The following ATP1A4 variants were observed in gnomAD, a reference collection of about 807,000 sequenced individuals.
The protein encoded by ATP1A4 is sodium/potassium-transporting ATPase subunit alpha-4.
Under a neutral mutation model 114.3 loss-of-function variants are expected in ATP1A4, and 90 were observed. The ratio of observed to expected loss-of-function variants is 0.79; its 90% confidence interval spans 0.66 to 0.94. The LOEUF (loss-of-function observed/expected upper bound fraction) is 0.94. ATP1A4 is among the 40% of genes least tolerant of loss of function. The pLI is 0.00. For synonymous variants in ATP1A4, 511 were observed against 494.1 expected (o/e 1.03, Z -0.45); for missense variants, 1,222 against 1,313.6 (o/e 0.93, Z 1.08).
chr1:160,158,979 G>A, intron 4 of ATP1A4, 23 bp from the exon 5 acceptor site: 1 of 1,605,780 alleles, frequency 6.2e-7, no homozygotes, highest in Middle Eastern at 1.7e-4. Flanking sequence ...TTTTGGAAAT[G>A]ATCCTGCACT....
rs367919964 is a variant in ATP1A4 at position 160,181,940 on chromosome 1, T to A, written c.2878T>A (p.Leu960Ile). The change falls in exon 20 of 22, where the codon TTA (leucine) becomes ATA (isoleucine). Residue 960 changes from leucine (L) to isoleucine (I), a missense_variant. By Grantham distance (5) the Leu-to-Ile change is conservative. Coordinates refer to ENST00000368081, the MANE Select transcript of ATP1A4 (RefSeq NM_144699.4). ...LFQQGMRNKV[L>I]IFGILEETLL... ...AATGTTTCTTCCCAGAAACAAAGTC[T>A]TAATATTTGGGATCCTGGAGGAGAC... 2.9e-4 allele frequency: 463 copies of A among 1,613,978 alleles called. No homozygotes were observed. The highest frequency in any genetic ancestry group is 3.8e-4 in the Non-Finnish European group (443 of 1,179,988).
At chr1:160,156,986 G>T (rs1456438328) in intron 4 of ATP1A4, among the ~76,000 whole-genome samples, 1 of 151,988 alleles carries the variant, frequency 6.6e-6, no homozygotes, top group Non-Finnish European at 1.5e-5. Context: ...TGCCTGTAGT[G>T]CCAGCTACTC....
rs984113233 is a variant in ATP1A4 at position 160,173,481 on chromosome 1, G to A, written c.1855-100G>A. ...TTGGGAATGAGCGACTAAAACCCTT[G>A]TTGAAAAAAGCAGTGGTCTGTCAGT... On this transcript the variant is annotated intron_variant, in intron 12 of 21. Transcript: ENST00000368081. 5.3e-6 allele frequency: 8 copies of A among 1,502,130 alleles called. No individual in the cohort carries two copies. The Admixed American group carries it at 9.9e-5, about 19-fold the overall frequency. 93.1% of individuals were successfully genotyped at this position (1,502,130 alleles called of 1,614,324 possible).
chr1:160,166,474 T>C (rs753314145), intron 7 of ATP1A4, 54 bp from the exon 8 acceptor site: 746 of 1,592,756 alleles, frequency 4.7e-4, no homozygotes, highest in South Asian at 8.4e-4. Context: ...CAATGCAAAA[T>C]GGTGTGAGTA....
intron 3 of ATP1A4, among the ~76,000 whole-genome samples, chr1:160,155,476 T>G (rs751177262): frequency 1.3e-5 from 2 of 152,078 alleles, no homozygotes; most frequent in Non-Finnish European, 2.9e-5. Context: ...AATTATAAAA[T>G]GTAATTAAAT....
chr1:160,173,986 G>C lies in ATP1A4; in HGVS notation c.1992-125G>C, dbSNP rs904822558. The C allele has an allele frequency of 3.2e-6, 4 of 1,251,654 alleles. No homozygotes were observed. The Admixed American group carries it at 7.3e-5, about 23-fold the overall frequency. The allele number at this position is 1,251,654 out of a possible 1,614,324, so 77.5% of individuals were successfully genotyped here. A position where few individuals can be genotyped will look rare whatever the true frequency, so the allele number is the denominator to read the frequency against. On this transcript the variant is annotated intron_variant, in intron 13 of 21. Transcript: ENST00000368081. The stretch of plus-strand genomic sequence containing the variant: ...TGTGTCAATTTGGGGACAATATAGG[G>C]CTAGGGACAAGTGAGGAGACTAGGT...
chr1:160,181,967 C>A lies in ATP1A4; in HGVS notation c.2905C>A (p.Leu969Ile). The change falls in exon 20 of 22, where the codon CTC becomes ATC. Residue 969 changes from leucine to isoleucine, a missense_variant. Physicochemically the swap from Leu to Ile is conservative, Grantham distance 5 (BLOSUM62 2). Coordinates refer to ENST00000368081, the MANE Select transcript of ATP1A4 (RefSeq NM_144699.4). ...VLIFGILEET[L>I]LAAFLSYTPG... ...AATATTTGGGATCCTGGAGGAGACA[C>A]TCTTGGCTGCATTTCTGTCCTACAC... 1 of 1,614,174 alleles carries A rather than the reference C, an allele frequency of 6.2e-7. No individual in the cohort carries two copies. Among genetic ancestry groups the A allele is most frequent in the Non-Finnish European group, 8.5e-7 (1 of 1,180,018 alleles).
chr1:160,175,843 C>T (rs1653441538), intron 15 of ATP1A4, among the ~76,000 whole-genome samples: 1 of 152,164 alleles, frequency 6.6e-6, no homozygotes, highest in South Asian at 2.1e-4. Context: ...CCAGGCCCAA[C>T]CCTGCTAATT....
intron 4 of ATP1A4, among the ~76,000 whole-genome samples, chr1:160,157,228 TG>T (rs58434992): frequency 0.32 from 48,126 of 152,032 alleles, 8,233 homozygotes; most frequent in Non-Finnish European, 0.38. Context: ...TGTGCAGGTT[TG>T]TTATATAAGT....
At chr1:160,166,888 G>A in intron 8 of ATP1A4, 80 bp from the exon 9 acceptor site, 1 of 1,514,712 alleles carries the variant, frequency 6.6e-7, no homozygotes, top group Non-Finnish European at 9.1e-7. Context: ...TGAAGTATCT[G>A]GGTGCCAAAG....
chr1:160,173,543 G>A (rs757418271), intron 12 of ATP1A4, 38 bp from the exon 13 acceptor site: 1 of 1,601,100 alleles, frequency 6.2e-7, no homozygotes, highest in African/African-American at 1.3e-5. Context: ...GGGCTCTGAA[G>A]ATGATTCTGC....
At position 160,160,011 on chromosome 1, in the gene ATP1A4, C is replaced by T. The variant is rs754116345; in HGVS notation, c.778+485C>T. On this transcript the variant is annotated intron_variant, in intron 6 of 21. Coordinates refer to ENST00000368081, the MANE Select transcript of ATP1A4 (RefSeq NM_144699.4). ...TGCCACTTAGACTTTACCACTTAAA[C>T]TTTGGCTTTGCTCCTAGAATCTAGG... Among the ~76,000 whole-genome samples the T allele has an allele frequency of 2.7e-4, 41 of 152,294 alleles. No homozygotes were observed. In the Middle Eastern group the frequency reaches 0.01, roughly 38 times the overall value.
At chr1:160,177,098 T>G (rs1653495588) in intron 17 of ATP1A4, among the ~76,000 whole-genome samples, 1 of 152,196 alleles carries the variant, frequency 6.6e-6, no homozygotes, top group African/African-American at 2.4e-5. Flanking sequence ...ATATCATTTG[T>G]GTTGGGGTCA....
Position 160,186,717 on chromosome 1 carries a change from C to A in ATP1A4, c.*18C>A, listed in dbSNP as rs1310997364. On this transcript the variant is annotated 3_prime_UTR_variant, in exon 22 of 22. Transcript: ENST00000368081. ...ACTACTAAACTCAGCAGATGAAGAG[C>A]TTCATGTGACACAGGGGTGTTGTGA... 6.2e-7 allele frequency: 1 copy of A among 1,608,800 alleles called. No homozygotes were observed.
rs141489030 is a variant in ATP1A4 at position 160,167,349 on chromosome 1, G to A, written c.1428G>A (p.Ala476=). Residue 476 remains alanine (A), a synonymous_variant, in exon 10 of 22, where the codon GCG becomes GCA. Transcript: ENST00000368081. ...KFIEQSYSSV[A]EMREKNPKVA... is the part of the protein sequence containing the mutation. Reference sequence around the variant, plus strand: ...TCGAGCAGTCTTACAGCTCTGTGGCGGAGATGAGAGAGAAAAACCCCAAGG... The same window carrying A: ...TCGAGCAGTCTTACAGCTCTGTGGCAGAGATGAGAGAGAAAAACCCCAAGG... 111 of 1,612,112 alleles carry A rather than the reference G, an allele frequency of 6.9e-5. No individual in the cohort carries two copies. Among genetic ancestry groups the A allele is most frequent in the Middle Eastern group, 5.0e-4 (3 of 6,046 alleles).
At chr1:160,174,815 C>T (rs1164646456) in intron 15 of ATP1A4, 68 bp downstream of exon 15, 1 of 1,593,170 alleles carries the variant, frequency 6.3e-7, no homozygotes, top group Non-Finnish European at 8.6e-7. Flanking sequence ...GTGTACATCC[C>T]CTCTTTCCGT....
chr1:160,186,493 C>A, intron 21 of ATP1A4, 126 bp downstream of exon 21: 2 of 1,044,450 alleles, frequency 1.9e-6, no homozygotes, highest in Non-Finnish European at 2.9e-6. Flanking sequence ...GCCTTGACTG[C>A]GCCTGGAGCC....
chr1:160,169,113 G>A (rs1379421550), intron 10 of ATP1A4, among the ~76,000 whole-genome samples: 2 of 152,220 alleles, frequency 1.3e-5, no homozygotes, highest in African/African-American at 4.8e-5. Flanking sequence ...GTGACAGGCT[G>A]TCCCACTGGC....
chr1:160,182,051 C>T lies in ATP1A4; in HGVS notation c.2969+20C>T, dbSNP rs1653726863. On this transcript the variant is annotated intron_variant, in intron 20 of 21. Coordinates refer to ENST00000368081, the MANE Select transcript of ATP1A4 (RefSeq NM_144699.4). ...ACTCAAGTGAGTAAGGGAAGGGATG[C>T]AAGCAGGGGATGTGCAGGCACGGGG... 1.3e-6 allele frequency: 2 copies of T among 1,593,140 alleles called. No homozygotes were observed. The highest frequency in any genetic ancestry group is 2.2e-5 in the South Asian group (2 of 90,632).
Sources: gnomAD v4.1 joint callset for allele counts (sites outside exome capture counted in the v4.1 genomes callset) on GRCh38, gnomAD v4.1.1 for gene constraint, MANE v1.5 for transcripts, NCBI Gene and HGNC (gene_info 2026-07-23, HGNC 2026-07-21) for gene names.